Variants in LSAMP observed in about 807,000 individuals in gnomAD.
LSAMP encodes limbic system-associated membrane protein.
Under a neutral mutation model 38.6 loss-of-function variants are expected in LSAMP, and 7 were observed. That is an observed-to-expected ratio of 0.18 (90% CI 0.10 to 0.34). The LOEUF (loss-of-function observed/expected upper bound fraction) is 0.34, where lower values mean the gene tolerates loss of function less well. Among genes scored for constraint, LSAMP ranks in the 10% least tolerant of loss-of-function variants. The pLI is 1.00. For synonymous variants in LSAMP, 154 were observed against 166.8 expected (o/e 0.92, Z 0.59); for missense variants, 313 against 420.0 (o/e 0.75, Z 2.23).
chr3:116,164,757 TATA>T (rs1710003723), intron 1 of LSAMP, among the ~76,000 whole-genome samples: 14 of 55,368 alleles, frequency 2.5e-4, no homozygotes, highest in South Asian at 6.9e-4. Flanking sequence ...TATATATATA[TATA>T]TTTTTTTTTT....
chr3:116,388,633 T>C (rs1177479645), intron 1 of LSAMP, among the ~76,000 whole-genome samples: 2 of 152,220 alleles, frequency 1.3e-5, no homozygotes, highest in Non-Finnish European at 2.9e-5. Flanking sequence ...TGGGGAAGAT[T>C]TGATTTTCAG....
chr3:115,920,234 T>A (rs560605394), intron 3 of LSAMP, among the ~76,000 whole-genome samples: 12 of 152,334 alleles, frequency 7.9e-5, no homozygotes, highest in African/African-American at 2.9e-4. Context: ...TGATAACTCT[T>A]AATTTTTACA....
At chr3:115,933,821 G>A (rs1185344285) in intron 3 of LSAMP, among the ~76,000 whole-genome samples, 4 of 152,168 alleles carry the variant, frequency 2.6e-5, no homozygotes, top group Admixed American at 6.5e-5. Flanking sequence ...AGTGCCCTCC[G>A]CGAGAATGTG....
chr3:115,824,092 A>G (rs1051807173), intron 6 of LSAMP, among the ~76,000 whole-genome samples: 6 of 152,168 alleles, frequency 3.9e-5, no homozygotes, highest in Non-Finnish European at 8.8e-5. Context: ...TTAGCCTGAG[A>G]GGTTTAGTTT....
Position 116,139,177 on chromosome 3 carries a change from A to G in LSAMP, c.156-52621T>C, listed in dbSNP as rs368882018. Among the ~76,000 whole-genome samples, 113 of 152,058 alleles carry G rather than the reference A, an allele frequency of 7.4e-4. 1 individual carries two copies. The South Asian group carries it at 0.02, about 27-fold the overall frequency. ...TACTTTTAAATTTTTAGGCCTGAAG[A>G]GTCAAAGAAAGTTGTAGTATCCTGA... is the stretch of plus-strand genomic sequence containing the variant. On this transcript the variant is annotated intron_variant, in intron 1 of 6. Coordinates refer to ENST00000490035, the MANE Select transcript of LSAMP (RefSeq NM_002338.5).
At chr3:116,234,089 A>G (rs2046436607) in intron 1 of LSAMP, among the ~76,000 whole-genome samples, 1 of 152,198 alleles carries the variant, frequency 6.6e-6, no homozygotes, top group Admixed American at 6.5e-5. Context: ...AAATACAGTG[A>G]TATCAAGGAT....
intron 2 of LSAMP, among the ~76,000 whole-genome samples, chr3:116,078,562 G>A (rs1028270489): frequency 6.6e-6 from 1 of 152,136 alleles, no homozygotes; most frequent in African/African-American, 2.4e-5. Context: ...TCCTGACCTT[G>A]TGATCCACCC....
intron 1 of LSAMP, among the ~76,000 whole-genome samples, chr3:116,242,656 G>A (rs981728496): frequency 6.1e-5 from 9 of 148,462 alleles, no homozygotes; most frequent in African/African-American, 1.5e-4. Context: ...CTGCTTTTTC[G>A]TTCCAAGGCT....
At chr3:116,308,310 T>C (rs2047511580) in intron 1 of LSAMP, among the ~76,000 whole-genome samples, 1 of 152,028 alleles carries the variant, frequency 6.6e-6, no homozygotes, top group Non-Finnish European at 1.5e-5. Context: ...ATCTATGCCA[T>C]AAGATATGAA....
At chr3:116,009,064 A>T (rs998472140) in intron 3 of LSAMP, among the ~76,000 whole-genome samples, 1 of 152,216 alleles carries the variant, frequency 6.6e-6, no homozygotes, top group Non-Finnish European at 1.5e-5. Context: ...TATTATTTTC[A>T]TTCTCTGAAC....
intron 3 of LSAMP, among the ~76,000 whole-genome samples, chr3:115,964,221 C>T (rs960104070): frequency 6.6e-6 from 1 of 152,048 alleles, no homozygotes. Context: ...TTATCATCAC[C>T]TTTTATAGGT....
At chr3:115,826,514 C>T (rs186688483) in intron 6 of LSAMP, among the ~76,000 whole-genome samples, 196 of 152,274 alleles carry the variant, frequency 1.3e-3, no homozygotes, top group Non-Finnish European at 1.8e-3. Flanking sequence ...GTTATCTTCA[C>T]ATGGACTTAA....
chr3:116,434,247 C>T (rs1021415222), intron 1 of LSAMP, among the ~76,000 whole-genome samples: 2 of 152,128 alleles, frequency 1.3e-5, no homozygotes, highest in African/African-American at 4.8e-5. Context: ...ATTTATAGTA[C>T]AACCATCTTT....
chr3:116,046,887 G>A (rs944920883), intron 2 of LSAMP, among the ~76,000 whole-genome samples: 3 of 152,090 alleles, frequency 2.0e-5, no homozygotes, highest in African/African-American at 7.2e-5. Flanking sequence ...CTGTATTTTA[G>A]ACATTAGTAT....
At chr3:115,905,094 G>A (rs566809249) in intron 3 of LSAMP, among the ~76,000 whole-genome samples, 1 of 152,174 alleles carries the variant, frequency 6.6e-6, no homozygotes, top group South Asian at 2.1e-4. Flanking sequence ...TGGATAAAAT[G>A]CTCTTTTGCA....
intron 3 of LSAMP, among the ~76,000 whole-genome samples, chr3:115,854,313 C>T (rs1305731194): frequency 4.4e-5 from 6 of 135,976 alleles, no homozygotes; most frequent in Non-Finnish European, 9.3e-5. Context: ...GATGGAGTCC[C>T]GCTCTTTAGC....
Position 115,809,275 on chromosome 3 carries a change from C to T in LSAMP, c.*1042G>A, listed in dbSNP as rs1408864884. On this transcript the variant is annotated 3_prime_UTR_variant, in exon 7 of 7. Transcript: ENST00000490035. ...TCATTTACAGTGATATTCTGAGTGA[C>T]TCCCCACTCGGTTCTGATGATGGGA... is the stretch of plus-strand genomic sequence containing the variant. 6.6e-6 allele frequency: 1 copy of T among 152,174 alleles called. No homozygotes were observed. The highest frequency in any genetic ancestry group is 1.9e-4 in the East Asian group (1 of 5,192). The allele number at this position is 152,174 out of a possible 1,614,324, so 9.4% of individuals were successfully genotyped here.
At chr3:116,223,652 AGTG>A (rs1379322550) in intron 1 of LSAMP, among the ~76,000 whole-genome samples, 1 of 152,212 alleles carries the variant, frequency 6.6e-6, no homozygotes, top group Non-Finnish European at 1.5e-5. Context: ...TTTTTATTAA[AGTG>A]GTGATACTGT....
At chr3:115,984,160 T>C (rs1485196114) in intron 3 of LSAMP, among the ~76,000 whole-genome samples, 1 of 151,786 alleles carries the variant, frequency 6.6e-6, no homozygotes, top group East Asian at 1.9e-4. Context: ...AGCAAATAAA[T>C]AGGAAGAGTC....
Sources: gnomAD v4.1 joint callset for allele counts (sites outside exome capture counted in the v4.1 genomes callset) on GRCh38, gnomAD v4.1.1 for gene constraint, MANE v1.5 for transcripts, NCBI Gene and HGNC (gene_info 2026-07-23, HGNC 2026-07-21) for gene names.